The following TSHZ2 variants were observed in gnomAD, a reference collection of about 807,000 sequenced individuals.
The protein encoded by TSHZ2 is teashirt zinc finger homeobox 2, also known as teashirt homolog 2.
In TSHZ2, 21 loss-of-function variants were observed where a neutral mutation model predicts 74.4. The ratio of observed to expected loss-of-function variants is 0.28; its 90% CI spans 0.20 to 0.41. The LOEUF (loss-of-function observed/expected upper bound fraction) is 0.41. Among genes scored for constraint, TSHZ2 ranks in the 10% least tolerant of loss-of-function variants. The probability of loss-of-function intolerance (pLI) is 1.00; values close to 1 mark genes in which losing one functional copy is unlikely to be tolerated. For missense variants in TSHZ2, 1,244 were observed against 1,293.5 expected, an observed-to-expected ratio of 0.96 and a Z score of 0.59; for synonymous variants, 540 against 515.3, an observed-to-expected ratio of 1.05 and a Z score of -0.65.
At chr20:53,099,648 G>GAAGGCGA (rs1986158860) in intron 1 of TSHZ2, among the ~76,000 whole-genome samples, 1 of 152,224 alleles carries the variant, frequency 6.6e-6, no homozygotes. Flanking sequence ...AATCATGGCG[G>GAAGGCGA]AAGGCGAAAG....
intron 1 of TSHZ2, among the ~76,000 whole-genome samples, chr20:53,217,661 C>T (rs778616281): frequency 6.6e-6 from 1 of 152,132 alleles, no homozygotes; most frequent in Non-Finnish European, 1.5e-5. Flanking sequence ...GGGCCAGTAA[C>T]GTCAGAACTT....
intron 1 of TSHZ2, among the ~76,000 whole-genome samples, chr20:53,130,441 G>A (rs1987071883): frequency 6.6e-6 from 1 of 152,008 alleles, no homozygotes; most frequent in South Asian, 2.1e-4. Context: ...CCTGGCCAAT[G>A]CAGCGAAACC....
At chr20:53,405,700 TAAAAAG>T (rs888105753) in intron 2 of TSHZ2, among the ~76,000 whole-genome samples, 1 of 152,168 alleles carries the variant, frequency 6.6e-6, no homozygotes, top group South Asian at 2.1e-4. Flanking sequence ...AACAAGGTGA[TAAAAAG>T]AAATAGTGGC....
intron 1 of TSHZ2, among the ~76,000 whole-genome samples, chr20:53,238,087 T>C (rs1372683413): frequency 5.3e-5 from 8 of 152,140 alleles, no homozygotes; most frequent in Admixed American, 5.2e-4. Flanking sequence ...CTTTTGTCTA[T>C]GAACATCTAA....
At chr20:53,081,249 C>T (rs2123230011) in intron 1 of TSHZ2, among the ~76,000 whole-genome samples, 1 of 152,170 alleles carries the variant, frequency 6.6e-6, no homozygotes, top group East Asian at 1.9e-4. Context: ...CCAGGCTGGT[C>T]TTAAACTCCT....
intron 1 of TSHZ2, among the ~76,000 whole-genome samples, chr20:53,078,963 A>G (rs1985448772): frequency 6.6e-6 from 1 of 152,212 alleles, no homozygotes; most frequent in Admixed American, 6.5e-5. Flanking sequence ...TAGCAAATAG[A>G]ACATAATGAA....
At chr20:53,333,546 C>T (rs1019053923) in intron 2 of TSHZ2, among the ~76,000 whole-genome samples, 4 of 152,076 alleles carry the variant, frequency 2.6e-5, no homozygotes, top group African/African-American at 9.7e-5. Context: ...AGCTCCGCCT[C>T]CCGGGTTCAC....
At chr20:53,185,190 C>T (rs1025925705) in intron 1 of TSHZ2, 2 of 987,280 alleles carry the variant, frequency 2.0e-6, no homozygotes, top group African/African-American at 3.5e-5. Context: ...TGTCTTTCCT[C>T]TGAATTTGTC....
chr20:53,186,973 C>T (rs1313728289), intron 1 of TSHZ2, among the ~76,000 whole-genome samples: 1 of 152,054 alleles, frequency 6.6e-6, no homozygotes. Context: ...AATTACACTT[C>T]TGCCATTTTT....
At chr20:53,236,812 G>A (rs377715880) in intron 1 of TSHZ2, among the ~76,000 whole-genome samples, 10 of 152,328 alleles carry the variant, frequency 6.6e-5, no homozygotes, top group Admixed American at 6.5e-5. Context: ...CAGCAGGAGA[G>A]AGAAGTACAG....
chr20:53,153,225 G>A lies in TSHZ2; in HGVS notation c.41-100274G>A, dbSNP rs143946160. On this transcript the variant is annotated intron_variant, in intron 1 of 2. Coordinates refer to ENST00000371497, the MANE Select transcript of TSHZ2 (RefSeq NM_173485.6). ...CTGACACATCCTATAGCTCTGTAGC[G>A]AGGCAAGCATAAATGTCCCCAGCCT... Among the ~76,000 whole-genome samples, 7 of 152,310 alleles carry A rather than the reference G, an allele frequency of 4.6e-5. No homozygotes were observed. The East Asian group carries it at 5.8e-4, about 13-fold the overall frequency.
intron 2 of TSHZ2, among the ~76,000 whole-genome samples, chr20:53,428,438 C>T (rs1420005992): frequency 5.3e-5 from 8 of 152,166 alleles, no homozygotes; most frequent in Non-Finnish European, 1.2e-4. Flanking sequence ...CACAGTTTCC[C>T]ACTTTGATGT....
chr20:53,004,815 C>T (rs1373188818), intron 1 of TSHZ2, among the ~76,000 whole-genome samples: 1 of 152,100 alleles, frequency 6.6e-6, no homozygotes, highest in Non-Finnish European at 1.5e-5. Flanking sequence ...TCAGTGTTTA[C>T]TATAAGATAG....
At chr20:53,484,331 G>A (rs1046457311) in intron 2 of TSHZ2, among the ~76,000 whole-genome samples, 2 of 151,022 alleles carry the variant, frequency 1.3e-5, no homozygotes, top group Admixed American at 6.6e-5. Context: ...GCCATCCTCT[G>A]CTTTTTATTA....
intron 1 of TSHZ2, among the ~76,000 whole-genome samples, chr20:53,103,224 G>T (rs1986268549): frequency 6.6e-6 from 1 of 152,080 alleles, no homozygotes; most frequent in African/African-American, 2.4e-5. Flanking sequence ...CAAGTATATT[G>T]AAAAAACATA....
chr20:53,122,501 A>C (rs970788218), intron 1 of TSHZ2, among the ~76,000 whole-genome samples: 1 of 152,082 alleles, frequency 6.6e-6, no homozygotes, highest in Non-Finnish European at 1.5e-5. Flanking sequence ...GAAGGCTTCA[A>C]TTTTAATCTT....
At chr20:53,447,745 C>T (rs1266340696) in intron 2 of TSHZ2, among the ~76,000 whole-genome samples, 1 of 152,162 alleles carries the variant, frequency 6.6e-6, no homozygotes, top group African/African-American at 2.4e-5. Context: ...GATGTCCTCT[C>T]ATGATTGGAT....
At chr20:53,460,114 A>T (rs1002034104) in intron 2 of TSHZ2, among the ~76,000 whole-genome samples, 1 of 151,914 alleles carries the variant, frequency 6.6e-6, no homozygotes. Flanking sequence ...GCCTTGCTAG[A>T]TTGGGGAAGT....
At chr20:53,236,631 T>A (rs186230658) in intron 1 of TSHZ2, among the ~76,000 whole-genome samples, 3 of 152,314 alleles carry the variant, frequency 2.0e-5, no homozygotes, top group Admixed American at 6.5e-5. Flanking sequence ...TCTGGGCATG[T>A]GACTGTATTA....
Sources: allele counts gnomAD v4.1 joint callset (sites outside exome capture counted in the v4.1 genomes callset), GRCh38; gene constraint gnomAD v4.1.1; transcripts MANE v1.5; gene names NCBI Gene and HGNC (gene_info 2026-07-23, HGNC 2026-07-21).